FRMD4A: variants seen among roughly 807,000 people sequenced by gnomAD.
FRMD4A encodes FERM domain-containing protein 4A.
FRMD4A carries 29 observed loss-of-function variants against 129.1 expected under a neutral mutation model. The ratio of observed to expected loss-of-function variants is 0.22; its 90% CI spans 0.17 to 0.31. The LOEUF (loss-of-function observed/expected upper bound fraction) is 0.31, where lower values mean the gene tolerates loss of function less well. Among genes scored for constraint, FRMD4A ranks in the 10% least tolerant of loss-of-function variants. The pLI is 1.00. For missense variants in FRMD4A, 1,272 were observed against 1,375.8 expected (o/e 0.92, Z 1.19); for synonymous variants, 634 against 571.6 (o/e 1.11, Z -1.56).
At chr10:14,293,024 C>A (rs2400062) in intron 2 of FRMD4A, among the ~76,000 whole-genome samples, 48,653 of 151,822 alleles carry the variant, frequency 0.32, 8,086 homozygotes, top group Middle Eastern at 0.37. Context: ...GTATCATGAA[C>A]ACATAACTGA....
At chr10:13,877,649 G>A (rs192442700) in intron 2 of FRMD4A, among the ~76,000 whole-genome samples, 157 of 152,384 alleles carry the variant, frequency 1.0e-3, no homozygotes, top group African/African-American at 3.7e-3. Context: ...TGGGCTAGAG[G>A]CTACCGCCTT....
intron 19 of FRMD4A, among the ~76,000 whole-genome samples, chr10:13,661,083 T>G (rs914196431): frequency 1.3e-5 from 2 of 152,208 alleles, no homozygotes; most frequent in Admixed American, 1.3e-4. Context: ...ACCTGCTGGG[T>G]GGATCGGGTG....
At chr10:13,651,742 A>C (rs1233771681) in intron 24 of FRMD4A, 161 bp downstream of exon 24, 3 of 620,404 alleles carry the variant, frequency 4.8e-6, no homozygotes, top group African/African-American at 3.7e-5. Flanking sequence ...TGATGTAAGA[A>C]CCTTCAGCTA....
chr10:13,783,628 G>A (rs1028019750), intron 5 of FRMD4A, among the ~76,000 whole-genome samples: 4 of 151,292 alleles, frequency 2.6e-5, no homozygotes, highest in Admixed American at 1.3e-4. Context: ...TCAGCCTCCC[G>A]AAATGCTGGG....
At chr10:13,702,522 C>A (rs996198794) in intron 13 of FRMD4A, among the ~76,000 whole-genome samples, 6 of 145,790 alleles carry the variant, frequency 4.1e-5, no homozygotes, top group Admixed American at 2.1e-4. Context: ...CAAATGAAAT[C>A]TAAGAATGTG....
At chr10:14,258,624 A>G (rs1844696866) in intron 2 of FRMD4A, among the ~76,000 whole-genome samples, 1 of 152,230 alleles carries the variant, frequency 6.6e-6, no homozygotes, top group Non-Finnish European at 1.5e-5. Flanking sequence ...GTACAGTAAC[A>G]TTGGAAAACA....
At chr10:13,813,078 G>A (rs540088323) in intron 3 of FRMD4A, among the ~76,000 whole-genome samples, 9 of 152,272 alleles carry the variant, frequency 5.9e-5, no homozygotes, top group Non-Finnish European at 1.0e-4. Flanking sequence ...CCCCCAGGAA[G>A]TATTCGGCTG....
chr10:14,119,309 A>C (rs1164998093), intron 2 of FRMD4A, among the ~76,000 whole-genome samples: 1 of 152,188 alleles, frequency 6.6e-6, no homozygotes, highest in Non-Finnish European at 1.5e-5. Context: ...TCATATGCTC[A>C]AACAAGCCTT....
At chr10:13,702,068 G>C (rs1541007) in intron 13 of FRMD4A, among the ~76,000 whole-genome samples, 1 of 152,052 alleles carries the variant, frequency 6.6e-6, no homozygotes, top group Non-Finnish European at 1.5e-5. Context: ...AACGTCTGTC[G>C]ATACATTTCA....
intron 2 of FRMD4A, among the ~76,000 whole-genome samples, chr10:14,313,048 G>A (rs1024563741): frequency 1.3e-5 from 2 of 151,888 alleles, no homozygotes; most frequent in Non-Finnish European, 2.9e-5. Flanking sequence ...ACTTGTAAAC[G>A]TATTTTTATT....
At chr10:14,321,465 C>T (rs143947968) in intron 2 of FRMD4A, among the ~76,000 whole-genome samples, 14 of 152,040 alleles carry the variant, frequency 9.2e-5, no homozygotes, top group Admixed American at 7.9e-4. Flanking sequence ...TCCTGCATAT[C>T]ATTTGTCAGG....
intron 2 of FRMD4A, among the ~76,000 whole-genome samples, chr10:14,029,886 TC>T (rs1276140178): frequency 1.4e-5 from 2 of 147,608 alleles, no homozygotes; most frequent in East Asian, 1.9e-4. Flanking sequence ...AAAATAAAGG[TC>T]CAGTTTCATT....
At chr10:14,157,382 C>A (rs567463550) in intron 2 of FRMD4A, among the ~76,000 whole-genome samples, 161 of 152,324 alleles carry the variant, frequency 1.1e-3, no homozygotes, top group African/African-American at 3.8e-3. Flanking sequence ...TACCACCAAC[C>A]ACGGCACGAA....
chr10:14,161,853 C>T (rs1039455135), intron 2 of FRMD4A, among the ~76,000 whole-genome samples: 1 of 151,822 alleles, frequency 6.6e-6, no homozygotes, highest in Non-Finnish European at 1.5e-5. Flanking sequence ...GGTGATGGAC[C>T]CCCTAAAAGT....
At chr10:13,839,080 T>TGAACTC (rs1326947628) in intron 3 of FRMD4A, among the ~76,000 whole-genome samples, 2 of 149,606 alleles carry the variant, frequency 1.3e-5, no homozygotes, top group Non-Finnish European at 3.0e-5. Flanking sequence ...ACTACAGCCT[T>TGAACTC]GAACTCTTGG....
chr10:13,988,406 A>G (rs2131419457), intron 2 of FRMD4A, among the ~76,000 whole-genome samples: 1 of 152,356 alleles, frequency 6.6e-6, no homozygotes, highest in East Asian at 1.9e-4. Context: ...ATGCTTTCAG[A>G]CAGGGACATT....
At chr10:13,862,939 T>G (rs76977992) in intron 2 of FRMD4A, among the ~76,000 whole-genome samples, 28 of 32,372 alleles carry the variant, frequency 8.6e-4, no homozygotes, top group Admixed American at 2.0e-3. Context: ...TTCTGTTTTG[T>G]TTTTTTTTTT....
intron 2 of FRMD4A, among the ~76,000 whole-genome samples, chr10:13,999,069 A>C (rs1357946538): frequency 6.6e-6 from 1 of 151,772 alleles, no homozygotes; most frequent in African/African-American, 2.4e-5. Flanking sequence ...CAAGTACATC[A>C]AGCCCACTCC....
chr10:13,882,014 T>G (rs796327031), intron 2 of FRMD4A, among the ~76,000 whole-genome samples: 6 of 8,814 alleles, frequency 6.8e-4, no homozygotes, highest in African/African-American at 1.2e-3. Context: ...TGTGTGTGTG[T>G]GTGTGTGTGT....
Sources: allele counts gnomAD v4.1 joint callset (sites outside exome capture counted in the v4.1 genomes callset), GRCh38; gene constraint gnomAD v4.1.1; transcripts MANE v1.5; gene names NCBI Gene and HGNC (gene_info 2026-07-23, HGNC 2026-07-21).